Variants in BMERB1 observed in about 807,000 individuals in gnomAD.
BMERB1 encodes the protein bMERB domain containing 1.
Under a neutral mutation model 23.6 loss-of-function variants are expected in BMERB1, and 12 were observed. That is an observed-to-expected ratio of 0.51 (90% CI 0.33 to 0.82). BMERB1 has a LOEUF of 0.82. Ranked by LOEUF, BMERB1 falls within the 40% of genes least tolerant of loss-of-function variation. The pLI is 0.03. For synonymous variants in BMERB1, 122 were observed against 96.6 expected, an observed-to-expected ratio of 1.26 and a Z score of -1.54; for missense variants, 247 against 255.4, an observed-to-expected ratio of 0.97 and a Z score of 0.22.
chr16:15,446,305 G>T (rs1598442586), intron 1 of BMERB1, among the ~76,000 whole-genome samples: 1 of 152,134 alleles, frequency 6.6e-6, no homozygotes, highest in East Asian at 1.9e-4. Flanking sequence ...TGAGGTGGGA[G>T]AATCTCTTGA....
At chr16:15,474,095 C>T (rs898684056) in intron 1 of BMERB1, among the ~76,000 whole-genome samples, 5 of 139,238 alleles carry the variant, frequency 3.6e-5, no homozygotes, top group South Asian at 4.5e-4. Flanking sequence ...ACTCCAGCCT[C>T]GGTGACAGAG....
At chr16:15,574,168 G>A (rs1003732574) in intron 3 of BMERB1, among the ~76,000 whole-genome samples, 8 of 152,018 alleles carry the variant, frequency 5.3e-5, no homozygotes, top group Admixed American at 2.0e-4. Flanking sequence ...TGACAGGAAG[G>A]AGAATGAACG....
chr16:15,515,825 T>A (rs566139818), intron 2 of BMERB1, among the ~76,000 whole-genome samples: 2 of 152,204 alleles, frequency 1.3e-5, no homozygotes, highest in African/African-American at 4.8e-5. Context: ...GAATTTCAGT[T>A]CCCTCATTTC....
At chr16:15,570,228 G>A (rs1252731697) in intron 3 of BMERB1, among the ~76,000 whole-genome samples, 5 of 152,250 alleles carry the variant, frequency 3.3e-5, no homozygotes, top group East Asian at 1.9e-4. Flanking sequence ...CCTAGGAGCC[G>A]GGCTTGCAGT....
chr16:15,494,008 AT>A (rs1410679298), intron 1 of BMERB1, among the ~76,000 whole-genome samples: 1 of 152,146 alleles, frequency 6.6e-6, no homozygotes, highest in African/African-American at 2.4e-5. Context: ...TGACTTCTGA[AT>A]TGGTTTGTAA....
chr16:15,452,327 G>GGAGA (rs1305676978), intron 1 of BMERB1, among the ~76,000 whole-genome samples: 2 of 120,034 alleles, frequency 1.7e-5, no homozygotes, highest in East Asian at 2.0e-4. Context: ...AGAGAGGGAG[G>GGAGA]GAGGGAGAGA....
intron 2 of BMERB1, among the ~76,000 whole-genome samples, chr16:15,524,473 G>T (rs1337298119): frequency 2.0e-5 from 3 of 152,136 alleles, no homozygotes; most frequent in Non-Finnish European, 4.4e-5. Context: ...ATTGAATGGA[G>T]AAATACATGT....
chr16:15,472,021 G>C (rs2051233214), intron 1 of BMERB1, among the ~76,000 whole-genome samples: 1 of 152,302 alleles, frequency 6.6e-6, no homozygotes, highest in African/African-American at 2.4e-5. Flanking sequence ...TTGACCTAGA[G>C]ATTATTTAGA....
chr16:15,465,216 G>A (rs964960627), intron 1 of BMERB1, among the ~76,000 whole-genome samples: 14 of 151,474 alleles, frequency 9.2e-5, no homozygotes, highest in Admixed American at 2.6e-4. Context: ...TTGGGTGAAG[G>A]TTTTTTAGGA....
chr16:15,434,906 C>T (rs1299627456), intron 1 of BMERB1, 147 bp downstream of exon 1: 4 of 669,012 alleles, frequency 6.0e-6, no homozygotes, highest in Non-Finnish European at 1.0e-5. Context: ...GGATACGCAG[C>T]TCTGCGCAGC....
chr16:15,537,186 G>C lies in BMERB1; in HGVS notation c.230+21758G>C, dbSNP rs184725855. Among the ~76,000 whole-genome samples the C allele has an allele frequency of 1.3e-4, 20 of 152,270 alleles. No homozygotes were observed. The East Asian group carries it at 3.3e-3, about 25-fold the overall frequency. Reference sequence around the variant, plus strand: ...AGAAAATTATAAGCACAGGCTTTCTGACAGTGTCCAACCAAACAGAATTTG... The same window carrying C: ...AGAAAATTATAAGCACAGGCTTTCTCACAGTGTCCAACCAAACAGAATTTG... On this transcript the variant is annotated intron_variant, in intron 2 of 5. Coordinates refer to ENST00000300006, the MANE Select transcript of BMERB1 (RefSeq NM_033201.3).
At chr16:15,569,334 A>G (rs980666512) in intron 3 of BMERB1, among the ~76,000 whole-genome samples, 1 of 152,198 alleles carries the variant, frequency 6.6e-6, no homozygotes, top group Admixed American at 6.5e-5. Flanking sequence ...GGAAGGCCTC[A>G]GGAAACTTAT....
At chr16:15,467,844 G>A (rs922192504) in intron 1 of BMERB1, among the ~76,000 whole-genome samples, 4 of 152,110 alleles carry the variant, frequency 2.6e-5, no homozygotes, top group Non-Finnish European at 5.9e-5. Flanking sequence ...ATATATGTAA[G>A]ATGTACATTG....
At chr16:15,464,601 G>A (rs2051165981) in intron 1 of BMERB1, among the ~76,000 whole-genome samples, 1 of 152,176 alleles carries the variant, frequency 6.6e-6, no homozygotes. Flanking sequence ...TCCGGAAATG[G>A]CACAGGGAAT....
intron 1 of BMERB1, among the ~76,000 whole-genome samples, chr16:15,442,522 A>G (rs1353494462): frequency 6.6e-6 from 1 of 152,140 alleles, no homozygotes; most frequent in Non-Finnish European, 1.5e-5. Context: ...TTTGCTCATA[A>G]CATTATGTTT....
At chr16:15,571,005 G>A (rs7192788) in intron 3 of BMERB1, among the ~76,000 whole-genome samples, 63,372 of 151,036 alleles carry the variant, frequency 0.42, 14,192 homozygotes, top group Middle Eastern at 0.54. Context: ...GGTTTTGGCA[G>A]CCTTCTTTAC....
chr16:15,533,304 G>A lies in BMERB1; in HGVS notation c.230+17876G>A, dbSNP rs150065732. Among the ~76,000 whole-genome samples the A allele has an allele frequency of 1.5e-3, 226 of 152,170 alleles. 1 individual carries two copies. The highest frequency in any genetic ancestry group is 5.2e-3 in the African/African-American group (217 of 41,520). ...TGATGATCTTTTCCATGTCAAGGTT[G>A]TTGAAACGACGAGAGAAGTCTCAAG... On this transcript the variant is annotated intron_variant, in intron 2 of 5. Transcript: ENST00000300006.
At chr16:15,524,072 A>G (rs909719762) in intron 2 of BMERB1, among the ~76,000 whole-genome samples, 6 of 152,150 alleles carry the variant, frequency 3.9e-5, no homozygotes, top group Non-Finnish European at 8.8e-5. Context: ...GAAGTCTGTT[A>G]GGAAGAGCTT....
chr16:15,470,825 CTTTTTTT>C (rs35873574), intron 1 of BMERB1, among the ~76,000 whole-genome samples: 1 of 49,388 alleles, frequency 2.0e-5, no homozygotes, highest in Admixed American at 2.3e-4. Flanking sequence ...CACCTGGCCT[CTTTTTTT>C]TTTTTTTTTT....
Sources: gnomAD v4.1 joint callset for allele counts (sites outside exome capture counted in the v4.1 genomes callset) on GRCh38, gnomAD v4.1.1 for gene constraint, MANE v1.5 for transcripts, NCBI Gene and HGNC (gene_info 2026-07-23, HGNC 2026-07-21) for gene names.